The following SLC26A5 variants were observed in gnomAD, a reference collection of about 807,000 sequenced individuals.
SLC26A5 encodes the protein prestin.
In SLC26A5, 51 loss-of-function variants were observed where a neutral mutation model predicts 81.0. The observed-to-expected ratio is 0.63, with a 90% CI of 0.50 to 0.80. The LOEUF (loss-of-function observed/expected upper bound fraction) is 0.80. Ranked by LOEUF, SLC26A5 falls within the 30% of genes least tolerant of loss-of-function variation. The probability of loss-of-function intolerance (pLI) is 0.00; values close to 1 mark genes in which losing one functional copy is unlikely to be tolerated. For synonymous variants in SLC26A5, 325 were observed against 332.8 expected, an observed-to-expected ratio of 0.98 and a Z score of 0.25; for missense variants, 771 against 905.8, an observed-to-expected ratio of 0.85 and a Z score of 1.91.
chr7:103,441,193 T>C (rs1224221863), intron 2 of SLC26A5, among the ~76,000 whole-genome samples: 2 of 152,210 alleles, frequency 1.3e-5, no homozygotes, highest in African/African-American at 2.4e-5. Flanking sequence ...TCTTCCTTAA[T>C]GCCTTTCCAT....
chr7:103,356,955 C>T (rs1820069193), intron 19 of SLC26A5, among the ~76,000 whole-genome samples: 1 of 152,152 alleles, frequency 6.6e-6, no homozygotes, highest in Non-Finnish European at 1.5e-5. Context: ...TACTCACCCT[C>T]CCTACTTCAC....
At chr7:103,392,696 G>A (rs944503647) in intron 10 of SLC26A5, among the ~76,000 whole-genome samples, 3 of 152,172 alleles carry the variant, frequency 2.0e-5, no homozygotes, top group African/African-American at 7.2e-5. Context: ...TCCTGCCTCA[G>A]CCTCCCGAGT....
In SLC26A5 at chr7:103,367,939, C is replaced by CCAT; in HGVS notation, c.2041+8866_2041+8868dup. ...GTCTGCACAGAGGCTGGTATGTTTG[C>CCAT]CATCAGAGCACGGCGAAAAATTGCT... On this transcript the variant is annotated intron_variant, in intron 19 of 19. Transcript: ENST00000339444. The surrounding 1 kb of genome is among the most constrained non-coding windows in gnomAD (Gnocchi z 6.1). The CCAT allele has an allele frequency of 3.7e-6, 6 of 1,613,930 alleles. No individual in the cohort carries two copies. Among genetic ancestry groups the CCAT allele is most frequent in the Non-Finnish European group, 5.1e-6 (6 of 1,179,994 alleles).
chr7:103,377,915 A>AC, intron 17 of SLC26A5, 116 bp from the exon 18 acceptor site: 1 of 924,134 alleles, frequency 1.1e-6, no homozygotes, highest in Non-Finnish European at 1.7e-6. Context: ...ACTCTACCAG[A>AC]CCCCTTGTAA....
chr7:103,405,772 G>A (rs547919093), intron 8 of SLC26A5, among the ~76,000 whole-genome samples: 2 of 152,180 alleles, frequency 1.3e-5, no homozygotes, highest in African/African-American at 4.8e-5. Flanking sequence ...CTGAAGCTGC[G>A]CCCACAGCTG....
chr7:103,355,585 C>A, intron 19 of SLC26A5: 1 of 803,500 alleles, frequency 1.2e-6, no homozygotes. Flanking sequence ...CATGATAGTC[C>A]TCACAATGAA....
intron 4 of SLC26A5, among the ~76,000 whole-genome samples, chr7:103,413,797 T>A (rs1312151947): frequency 3.9e-5 from 6 of 152,176 alleles, no homozygotes; most frequent in Non-Finnish European, 7.3e-5. Flanking sequence ...TTAGACATTT[T>A]TTTTTAAATA....
chr7:103,374,042 A>G (rs970758208), downstream of SLC26A5, among the ~76,000 whole-genome samples: 3 of 152,322 alleles, frequency 2.0e-5, no homozygotes, highest in African/African-American at 7.2e-5. Flanking sequence ...AAGAACCACT[A>G]CTTATCTGTA....
rs527293069 is a variant in SLC26A5, at chr7:103,388,019, C to T, written c.1514+989G>A. Reference sequence around the variant, plus strand: ...TTCTATGACAATGTTTCCTTTTCATCTTTATGGTGATTTATCACAAAAAGG... The same window carrying T: ...TTCTATGACAATGTTTCCTTTTCATTTTTATGGTGATTTATCACAAAAAGG... On this transcript the variant is annotated intron_variant, in intron 14 of 19. Transcript: ENST00000306312. 6.6e-5 allele frequency among the ~76,000 whole-genome samples: 10 copies of T among 152,010 alleles called. No individual in the cohort carries two copies. The South Asian group carries it at 2.1e-3, about 32-fold the overall frequency.
rs560775731 is a variant in SLC26A5 at position 103,431,043 on chromosome 7, C to T, written c.-53-9476G>A. ...CCAGAAACACTTGAAAGATCTTTAA[C>T]GCTCATAAGATATGCCTTTAGAATT... On this transcript the variant is annotated intron_variant, in intron 2 of 19. Coordinates refer to ENST00000306312, the MANE Select transcript of SLC26A5 (RefSeq NM_198999.3). Among the ~76,000 whole-genome samples, 6 of 152,286 alleles carry T rather than the reference C, an allele frequency of 3.9e-5. No individual in the cohort carries two copies. The East Asian group carries it at 1.2e-3, about 29-fold the overall frequency.
At chr7:103,386,875 C>T (rs1392395146) in intron 14 of SLC26A5, among the ~76,000 whole-genome samples, 1 of 151,914 alleles carries the variant, frequency 6.6e-6, no homozygotes, top group Non-Finnish European at 1.5e-5. Flanking sequence ...CAATTTTCTG[C>T]CTCACCCTCC....
chr7:103,384,241 C>T (rs932293152), intron 14 of SLC26A5, among the ~76,000 whole-genome samples: 3 of 152,048 alleles, frequency 2.0e-5, no homozygotes, highest in African/African-American at 7.2e-5. Flanking sequence ...CCTTGGCCTC[C>T]TAAATTGCTG....
At position 103,403,245 on chromosome 7, in the gene SLC26A5, T is replaced by C. The variant is rs188029426; in HGVS notation, c.888+4606A>G. On this transcript the variant is annotated intron_variant, in intron 8 of 19. Transcript: ENST00000306312. The stretch of plus-strand genomic sequence containing the variant: ...GCACTGTGGTCTGACAGACTGTTTG[T>C]TATGATTTCCATTCTTTTGTATTTG... Among the ~76,000 whole-genome samples, 775 of 152,356 alleles carry C rather than the reference T, an allele frequency of 5.1e-3. 2 individuals carry two copies. The highest frequency in any genetic ancestry group is 0.014 in the Middle Eastern group (4 of 294).
intron 19 of SLC26A5, among the ~76,000 whole-genome samples, chr7:103,366,441 AT>A (rs1262595216): frequency 6.6e-6 from 1 of 152,190 alleles, no homozygotes; most frequent in Non-Finnish European, 1.5e-5. Context: ...GAATTCACAT[AT>A]TTTGGATTTT....
At chr7:103,421,114 GT>G (rs1281107413) in intron 3 of SLC26A5, among the ~76,000 whole-genome samples, 1 of 152,134 alleles carries the variant, frequency 6.6e-6, no homozygotes, top group African/African-American at 2.4e-5. Flanking sequence ...TAGAAAGCAT[GT>G]TGGTTATGTT....
chr7:103,390,434 G>C lies in SLC26A5; in HGVS notation c.1306C>G (p.Pro436Ala). 1.2e-6 allele frequency: 2 copies of C among 1,613,836 alleles called. No individual in the cohort carries two copies. The highest frequency in any genetic ancestry group is 1.7e-6 in the Non-Finnish European group (2 of 1,179,768). ...LATGFLFESL[P>A]QAVLSAIVIV... is the part of the protein sequence containing the mutation. ...CAAGTCCACATTACACACACCTGGG[G>C]CAATGATTCAAAGAGGAATCCAGTT... The change falls in exon 12 of 20, where the codon CCC (proline) becomes GCC (alanine). Residue 436 changes from proline (P) to alanine (A), a missense_variant. Transcript: ENST00000306312.
rs78355015 is a variant in SLC26A5 at position 103,415,889 on chromosome 7, C to A, written c.293-2777G>T. On this transcript the variant is annotated intron_variant, in intron 4 of 19. Transcript: ENST00000306312. ...ATCATTTCTTCCTTCTGTTTACTCT[C>A]TTCTTTCTTTCTGGAAGTCCTATTA... is the stretch of plus-strand genomic sequence containing the variant. Among the ~76,000 whole-genome samples, 871 of 152,240 alleles carry A rather than the reference C, an allele frequency of 5.7e-3. 10 individuals are homozygous for A. The highest frequency in any genetic ancestry group is 0.017 in the African/African-American group (700 of 41,546).
chr7:103,375,592 A>C (rs1821297084), intron 19 of SLC26A5, among the ~76,000 whole-genome samples: 1 of 152,090 alleles, frequency 6.6e-6, no homozygotes, highest in African/African-American at 2.4e-5. Context: ...ACTTTTTAAA[A>C]TTATTATTAT....
chr7:103,402,616 G>A (rs963678261), intron 8 of SLC26A5, among the ~76,000 whole-genome samples: 1 of 151,972 alleles, frequency 6.6e-6, no homozygotes, highest in South Asian at 2.1e-4. Context: ...GGCCAATATG[G>A]TCTTGATCTC....
Sources: allele counts gnomAD v4.1 joint callset (sites outside exome capture counted in the v4.1 genomes callset), GRCh38; gene constraint gnomAD v4.1.1; non-coding constraint Gnocchi (gnomAD v3.1); transcripts MANE v1.5; gene names NCBI Gene and HGNC (gene_info 2026-07-23, HGNC 2026-07-21).